Variants in KICS2 observed in about 807,000 individuals in gnomAD.
The protein encoded by KICS2 is KICSTOR complex protein C12orf66.
In KICS2, 13 loss-of-function variants were observed where a neutral mutation model predicts 31.4. The ratio of observed to expected loss-of-function variants is 0.41; its 90% CI spans 0.27 to 0.66. The LOEUF is 0.66. Among genes scored for constraint, KICS2 ranks in the 30% least tolerant of loss-of-function variants. The pLI is 0.28. For synonymous variants in KICS2, 209 were observed against 214.8 expected, an observed-to-expected ratio of 0.97 and a Z score of 0.24; for missense variants, 455 against 545.4, an observed-to-expected ratio of 0.83 and a Z score of 1.65.
rs1417216218 is a variant in KICS2 at position 64,193,968 on chromosome 12, A to C, written c.1212T>G (p.Ile404Met). Reference protein sequence around the residue: ...FLTRPEPHFTIVIIFESKKSE... With the variant: ...FLTRPEPHFTMVIIFESKKSE... ...ATTTCTTTGACTCAAAAATGATGAC[A>C]ATGGTAAAGTGAGGTTCCGGGCGGG... Residue 404 changes from isoleucine (I) to methionine (M), a missense_variant, in exon 3 of 3, where the codon ATT becomes ATG. Ile to Met is a conservative substitution (Grantham distance 10). Coordinates refer to ENST00000398055, the MANE Select transcript of KICS2 (RefSeq NM_152440.5). The C allele has an allele frequency of 1.2e-6, 2 of 1,614,174 alleles. No homozygotes were observed. The highest frequency in any genetic ancestry group is 2.2e-5 in the South Asian group (2 of 91,078).
intron 2 of KICS2, among the ~76,000 whole-genome samples, chr12:64,214,962 ATT>A (rs2037614710): frequency 6.6e-6 from 1 of 152,102 alleles, no homozygotes; most frequent in Non-Finnish European, 1.5e-5. Flanking sequence ...TAAATCACTG[ATT>A]ACTTTAAAAG....
downstream of KICS2, chr12:64,187,638 A>T: frequency 6.5e-7 from 1 of 1,536,058 alleles, no homozygotes; most frequent in African/African-American, 1.4e-5. Flanking sequence ...AAATAATTGC[A>T]TTGGTAACAG....
rs574156467 is a variant in KICS2 at position 64,221,176 on chromosome 12, G to A, written c.235+827C>T. Among the ~76,000 whole-genome samples the A allele has an allele frequency of 9.9e-4, 150 of 152,120 alleles. 2 individuals are homozygous for A. The highest frequency in any genetic ancestry group is 2.5e-3 in the Admixed American group (38 of 15,280). Reference sequence around the variant, plus strand: ...TTTCTATTCTCTGTATTTTATATACGTGTCCTTCATTCACATCAGACCTCA... The same window carrying A: ...TTTCTATTCTCTGTATTTTATATACATGTCCTTCATTCACATCAGACCTCA... On this transcript the variant is annotated intron_variant, in intron 1 of 2. Coordinates refer to ENST00000398055, the MANE Select transcript of KICS2 (RefSeq NM_152440.5).
chr12:64,215,015 A>G (rs2037614967), intron 2 of KICS2, among the ~76,000 whole-genome samples: 2 of 151,670 alleles, frequency 1.3e-5, no homozygotes, highest in African/African-American at 4.8e-5. Context: ...AAAAATTCAC[A>G]TTATTTTCAG....
rs142709005 is a variant in KICS2 at position 64,205,565 on chromosome 12, A to G, written c.521+10113T>C. Among the ~76,000 whole-genome samples the G allele has an allele frequency of 5.3e-3, 806 of 150,772 alleles. 13 individuals are homozygous for G. The highest frequency in any genetic ancestry group is 0.019 in the African/African-American group (772 of 41,316). On this transcript the variant is annotated intron_variant, in intron 2 of 2. Coordinates refer to ENST00000398055, the MANE Select transcript of KICS2 (RefSeq NM_152440.5). ...GAATAGTCTTAATACAGAATAAATT[A>G]ACAACTATTTGCAGAGAACATCTGC...
intron 2 of KICS2, among the ~76,000 whole-genome samples, chr12:64,203,164 T>C (rs1403730812): frequency 2.6e-5 from 4 of 152,184 alleles, no homozygotes; most frequent in African/African-American, 9.6e-5. Flanking sequence ...TCTAGAACTT[T>C]ATGACTCAAG....
intron 1 of KICS2, among the ~76,000 whole-genome samples, chr12:64,218,541 C>CATTTTAAAAAAAAAAA (rs1270190772): frequency 6.6e-6 from 1 of 152,016 alleles, no homozygotes; most frequent in Non-Finnish European, 1.5e-5. Flanking sequence ...TTTTTTAAAA[C>CATTTTAAAAAAAAAAA]TCCTAATAAT....
chr12:64,203,012 A>G lies in KICS2; in HGVS notation c.522-8354T>C, dbSNP rs144128532. 8.0e-3 allele frequency among the ~76,000 whole-genome samples: 1,215 copies of G among 152,082 alleles called. 18 individuals carry two copies. Among genetic ancestry groups the G allele is most frequent in the African/African-American group, 0.026 (1,096 of 41,492 alleles). The stretch of plus-strand genomic sequence containing the variant: ...AGATGAGGTCACTTTCCCCAGTTAT[A>G]TCCTCTCATTTCTTAATACCTCTCT... On this transcript the variant is annotated intron_variant, in intron 2 of 2. Coordinates refer to ENST00000398055, the MANE Select transcript of KICS2 (RefSeq NM_152440.5).
intron 1 of KICS2, 48 bp from the exon 2 acceptor site, chr12:64,216,011 G>C (rs769536840): frequency 1.3e-6 from 2 of 1,510,358 alleles, no homozygotes; most frequent in South Asian, 1.2e-5. Flanking sequence ...AGGAGAAACC[G>C]TAAGTACCAA....
At chr12:64,212,294 C>G (rs960207424) in intron 2 of KICS2, among the ~76,000 whole-genome samples, 17 of 152,154 alleles carry the variant, frequency 1.1e-4, no homozygotes, top group African/African-American at 4.1e-4. Flanking sequence ...ATCCTGTGCC[C>G]ATTAGCAATC....
intron 2 of KICS2, among the ~76,000 whole-genome samples, chr12:64,197,599 A>G (rs1029678550): frequency 7.2e-4 from 109 of 151,346 alleles, no homozygotes; most frequent in Non-Finnish European, 1.4e-3. Context: ...CACACATAAC[A>G]ATATTAACTT....
chr12:64,189,830 A>C (rs1052854665), downstream of KICS2, among the ~76,000 whole-genome samples: 4 of 152,196 alleles, frequency 2.6e-5, no homozygotes, highest in Non-Finnish European at 4.4e-5. Flanking sequence ...AAAAACTATA[A>C]ATGTATATGG....
Position 64,193,747 on chromosome 12 carries a change from T to C in KICS2, c.*95A>G. On this transcript the variant is annotated 3_prime_UTR_variant, in exon 3 of 3. Transcript: ENST00000398055. ...CTTTAATTTAGTTCTGAAAGAGGCA[T>C]GAATGGATGTAAACTCTATTCACAG... The C allele has an allele frequency of 1.4e-6, 2 of 1,464,298 alleles. No individual in the cohort carries two copies. The highest frequency in any genetic ancestry group is 1.5e-5 in the South Asian group (1 of 68,342). The allele number at this position is 1,464,298 out of a possible 1,614,324, so 90.7% of individuals were successfully genotyped here. A position where few individuals can be genotyped will look rare whatever the true frequency, so the allele number is the denominator to read the frequency against.
At chr12:64,220,965 A>G (rs1213428399) in intron 1 of KICS2, among the ~76,000 whole-genome samples, 1 of 152,234 alleles carries the variant, frequency 6.6e-6, no homozygotes, top group Non-Finnish European at 1.5e-5. Context: ...TTAGCATACT[A>G]AATAAGTATG....
At chr12:64,206,306 A>G (rs1287986340) in intron 2 of KICS2, among the ~76,000 whole-genome samples, 3 of 152,172 alleles carry the variant, frequency 2.0e-5, no homozygotes, top group Non-Finnish European at 1.5e-5. Context: ...TGCTGCACCC[A>G]AAGTGATAAA....
intron 2 of KICS2, among the ~76,000 whole-genome samples, chr12:64,213,297 T>G (rs1347464035): frequency 6.6e-6 from 1 of 151,994 alleles, no homozygotes; most frequent in Non-Finnish European, 1.5e-5. Flanking sequence ...CAAAGAGAAA[T>G]TATTTATCTG....
At chr12:64,187,721 T>C, downstream of KICS2, 1 of 1,296,954 alleles carries the variant, frequency 7.7e-7, no homozygotes, top group African/African-American at 1.5e-5. Flanking sequence ...GGGAGTCACA[T>C]AGCATGTTTT....
rs552519316 is a variant in KICS2 at position 64,201,637 on chromosome 12, A to C, written c.522-6979T>G. Reference sequence around the variant, plus strand: ...AAAAAAAGAAAAAAAAAAAAAACAAAATGGTGGCCAGCCTGGCCAACATGG... The same window carrying C: ...AAAAAAAGAAAAAAAAAAAAAACAACATGGTGGCCAGCCTGGCCAACATGG... On this transcript the variant is annotated intron_variant, in intron 2 of 2. Transcript: ENST00000398055. Among the ~76,000 whole-genome samples, 9 of 151,304 alleles carry C rather than the reference A, an allele frequency of 5.9e-5. No homozygotes were observed. The South Asian group carries it at 1.9e-3, about 32-fold the overall frequency.
At chr12:64,189,882 CAG>C (rs113436660), downstream of KICS2, among the ~76,000 whole-genome samples, 1 of 151,746 alleles carries the variant, frequency 6.6e-6, no homozygotes, top group African/African-American at 2.4e-5. Context: ...GAAAAACTGA[CAG>C]AAATAAAGGA....
Sources: gnomAD v4.1 joint callset for allele counts (sites outside exome capture counted in the v4.1 genomes callset) on GRCh38, gnomAD v4.1.1 for gene constraint, MANE v1.5 for transcripts, NCBI Gene and HGNC (gene_info 2026-07-23, HGNC 2026-07-21) for gene names.